The following PIK3CD variants were observed in gnomAD, a reference collection of about 807,000 sequenced individuals.
PIK3CD encodes the protein phosphatidylinositol-4,5-bisphosphate 3-kinase catalytic subunit delta, also known as phosphatidylinositol 4,5-bisphosphate 3-kinase catalytic subunit delta isoform.
In PIK3CD, 20 loss-of-function variants were observed where a neutral mutation model predicts 122.9. That is an observed-to-expected ratio of 0.16 (90% CI 0.11 to 0.24). The LOEUF is 0.24. PIK3CD is among the 10% of genes least tolerant of loss of function. The pLI, the probability that PIK3CD is intolerant of heterozygous loss-of-function variation, is 1.00. For missense variants in PIK3CD, 787 were observed against 1,406.3 expected (o/e 0.56, Z 7.04); for synonymous variants, 596 against 593.4 (o/e 1.00, Z -0.06).
chr1:9,720,727 G>C lies in PIK3CD; in HGVS notation c.1522-15G>C, dbSNP rs760799238. On this transcript the variant is annotated splice_polypyrimidine_tract_variant and intron_variant, in intron 12 of 23. Transcript: ENST00000377346. This position sits in a 1 kb window ranked among gnomAD's most constrained non-coding sequence, Gnocchi z 9.0. ...GCGTGGAACCAGAGCCCTCACTCCT[G>C]CCCACACCCCTCAGCAGCTGCAGCT... is the stretch of plus-strand genomic sequence containing the variant. The C allele has an allele frequency of 4.3e-6, 7 of 1,609,240 alleles. No homozygotes were observed. In the African/African-American group the frequency reaches 9.4e-5, roughly 22 times the overall value.
rs1485672313 is a variant in PIK3CD, at chr1:9,718,976, T to C, written c.1242+61T>C. The stretch of plus-strand genomic sequence containing the variant: ...CCGGAGAGCCAGTACAGCCCCTTGC[T>C]GGGCCACTCACCACTCTCCTCCCGG... On this transcript the variant is annotated intron_variant, in intron 9 of 23. Coordinates refer to ENST00000377346, the MANE Select transcript of PIK3CD (RefSeq NM_005026.5). This position sits in a 1 kb window ranked among gnomAD's most constrained non-coding sequence, Gnocchi z 7.2. 5 of 1,488,360 alleles carry C rather than the reference T, an allele frequency of 3.4e-6. No individual in the cohort carries two copies. The East Asian group carries it at 1.2e-4, about 34-fold the overall frequency. 92.2% of individuals were successfully genotyped at this position (1,488,360 alleles called of 1,614,324 possible). A position where few individuals can be genotyped will look rare whatever the true frequency, so the allele number is the denominator to read the frequency against.
chr1:9,706,281 A>C (rs1403595450), intron 2 of PIK3CD, among the ~76,000 whole-genome samples: 6 of 151,270 alleles, frequency 4.0e-5, no homozygotes, highest in Non-Finnish European at 8.8e-5. Context: ...ACTTGAGCCC[A>C]GGAGTTCGAG....
At chr1:9,713,125 G>GTGAACTGAGATGTGGGCCAT (rs1647123747) in intron 3 of PIK3CD, among the ~76,000 whole-genome samples, 1 of 152,198 alleles carries the variant, frequency 6.6e-6, no homozygotes, top group African/African-American at 2.4e-5. Context: ...GGAGGTTGCA[G>GTGAACTGAGATGTGGGCCAT]TGAACTGAGA....
Position 9,652,214 on chromosome 1 carries a change from G to A in PIK3CD, c.-138+412G>A, listed in dbSNP as rs370216129. ...AGCGCTCAGCGCGTGCGCCCGCTCC[G>A]AGCGCTGACTAGAGGACCAGGGGCC... On this transcript the variant is annotated intron_variant, in intron 1 of 23. Transcript: ENST00000377346. This position sits in a 1 kb window ranked among gnomAD's most constrained non-coding sequence, Gnocchi z 6.2. 1.2e-4 allele frequency among the ~76,000 whole-genome samples: 18 copies of A among 152,282 alleles called. 1 individual carries two copies. The East Asian group carries it at 3.5e-3, about 29-fold the overall frequency.
chr1:9,655,153 G>A (rs1320419766), intron 1 of PIK3CD, among the ~76,000 whole-genome samples: 2 of 152,124 alleles, frequency 1.3e-5, no homozygotes, highest in African/African-American at 2.4e-5. Context: ...TTTCAGCAAA[G>A]CTGTTAGAGA....
At position 9,724,990 on chromosome 1, in the gene PIK3CD, C is replaced by A; in HGVS notation, c.2997+54C>A. ...CCAGTGGACTTCCAAGGCCTGCCCC[C>A]GAGCAATGTGACCTAGGAGGGCCCT... On this transcript the variant is annotated intron_variant, in intron 23 of 23. Transcript: ENST00000377346. This position sits in a 1 kb window ranked among gnomAD's most constrained non-coding sequence, Gnocchi z 7.3. The A allele has an allele frequency of 6.2e-7, 1 of 1,606,288 alleles. No individual in the cohort carries two copies. Among genetic ancestry groups the A allele is most frequent in the Non-Finnish European group, 8.5e-7 (1 of 1,176,894 alleles).
Position 9,720,934 on chromosome 1 carries a change from G to C in PIK3CD, c.1689+25G>C. 1 of 1,558,770 alleles carries C rather than the reference G, an allele frequency of 6.4e-7. No homozygotes were observed. The highest frequency in any genetic ancestry group is 8.7e-7 in the Non-Finnish European group (1 of 1,152,090). ...GGTGGGTGGGGAGGCGCACCTGGGG[G>C]CGGAGCTGGGGGCAGACCACAGCCT... On this transcript the variant is annotated intron_variant, in intron 13 of 23. Transcript: ENST00000377346. This position sits in a 1 kb window ranked among gnomAD's most constrained non-coding sequence, Gnocchi z 9.0.
rs1178258745 is a variant in PIK3CD at position 9,721,119 on chromosome 1, C to T, written c.1690-8C>T. 1.2e-6 allele frequency: 2 copies of T among 1,609,014 alleles called. No individual in the cohort carries two copies. Among genetic ancestry groups the T allele is most frequent in the East Asian group, 4.5e-5 (2 of 44,860 alleles). The stretch of plus-strand genomic sequence containing the variant: ...GCCGCCCCCAAGCCTGACCTCGGCT[C>T]CCCCCAGATGCTCTACCTGCTGTGC... On this transcript the variant is annotated splice_region_variant and splice_polypyrimidine_tract_variant and intron_variant, in intron 13 of 23. Transcript: ENST00000377346.
the PIK3CD span, among the ~76,000 whole-genome samples, chr1:9,639,131 G>T: frequency 2.6e-5 from 4 of 152,058 alleles, no homozygotes; most frequent in African/African-American, 4.8e-5. Context: ...GTGGGAAATG[G>T]TTTCTTCTAA....
intron 5 of PIK3CD, 71 bp downstream of exon 5, chr1:9,716,149 T>A: frequency 7.8e-7 from 1 of 1,286,770 alleles, no homozygotes. Flanking sequence ...GTGAAACTCC[T>A]CAGTCATCCG....
intron 2 of PIK3CD, among the ~76,000 whole-genome samples, chr1:9,699,949 T>C (rs1646565307): frequency 6.6e-6 from 1 of 152,174 alleles, no homozygotes; most frequent in African/African-American, 2.4e-5. Flanking sequence ...GGATTTTTGC[T>C]GGATCCTTCT....
chr1:9,695,288 A>G (rs964098669), intron 2 of PIK3CD, among the ~76,000 whole-genome samples: 1 of 152,050 alleles, frequency 6.6e-6, no homozygotes, highest in Non-Finnish European at 1.5e-5. Flanking sequence ...ACCACATAGG[A>G]GCTCAAGAAA....
In PIK3CD at chr1:9,717,445, C is replaced by T; in HGVS notation, c.931-92C>T. On this transcript the variant is annotated intron_variant, in intron 7 of 23. Transcript: ENST00000377346. This position sits in a 1 kb window ranked among gnomAD's most constrained non-coding sequence, Gnocchi z 5.4. ...TGGCCGCAAACCTGTGACCCTCTCA[C>T]CCGCCCCCAAGTGGTCACGGGCCTC... 7.9e-7 allele frequency: 1 copy of T among 1,264,652 alleles called. No individual in the cohort carries two copies. Among genetic ancestry groups the T allele is most frequent in the African/African-American group, 1.5e-5 (1 of 68,626 alleles). 78.3% of individuals were successfully genotyped at this position (1,264,652 alleles called of 1,614,324 possible). A position where few individuals can be genotyped will look rare whatever the true frequency, so the allele number is the denominator to read the frequency against.
At chr1:9,680,482 A>G (rs1645708559) in intron 1 of PIK3CD, among the ~76,000 whole-genome samples, 1 of 152,150 alleles carries the variant, frequency 6.6e-6, no homozygotes, top group Non-Finnish European at 1.5e-5. Context: ...CATCACTCCA[A>G]AAAGAGATTT....
chr1:9,655,636 G>A (rs978139152), intron 1 of PIK3CD, among the ~76,000 whole-genome samples: 3 of 151,136 alleles, frequency 2.0e-5, no homozygotes, highest in Middle Eastern at 3.2e-3. Flanking sequence ...TACCACCTCG[G>A]ATAAGGGTCA....
the PIK3CD span, among the ~76,000 whole-genome samples, chr1:9,631,597 A>C: frequency 3.3e-4 from 50 of 152,042 alleles, no homozygotes; most frequent in Non-Finnish European, 4.1e-4. Flanking sequence ...CGGTGGTTGC[A>C]GTGAGCTGAG....
the PIK3CD span, among the ~76,000 whole-genome samples, chr1:9,642,514 G>A: frequency 2.0e-5 from 3 of 148,084 alleles, no homozygotes; most frequent in South Asian, 2.2e-4. Context: ...TCAGGAGATC[G>A]AGACCATCCT....
In PIK3CD at chr1:9,720,186, C is replaced by T. The variant is rs866568855; in HGVS notation, c.1414C>T (p.Leu472Phe). 6.2e-7 allele frequency: 1 copy of T among 1,612,190 alleles called. No homozygotes were observed. Among genetic ancestry groups the T allele is most frequent in the Non-Finnish European group, 8.5e-7 (1 of 1,179,272 alleles). Residue 472 changes from leucine to phenylalanine, a missense_variant, in exon 11 of 24, where the codon CTC becomes TTC. Coordinates refer to ENST00000377346, the MANE Select transcript of PIK3CD (RefSeq NM_005026.5). The surrounding 1 kb of genome is among the most constrained non-coding windows in gnomAD (Gnocchi z 9.0). ...CAACACGGATAGCGCCGCTGCCCTGCTCATCTGCCTGCCCGAGGTGGCCCC... is the reference window on the plus strand; with the variant it reads ...CAACACGGATAGCGCCGCTGCCCTGTTCATCTGCCTGCCCGAGGTGGCCCC... The part of the protein sequence containing the change: ...NPNTDSAAAL[L>F]ICLPEVAPHP...
chr1:9,636,767 G>A, the PIK3CD span, among the ~76,000 whole-genome samples: 21,337 of 152,200 alleles, frequency 0.14, 3,453 homozygotes, highest in East Asian at 0.46. Flanking sequence ...CTTCAGGGTT[G>A]TAGAAAGGCC....
Sources: gnomAD v4.1 joint callset for allele counts (sites outside exome capture counted in the v4.1 genomes callset) on GRCh38, gnomAD v4.1.1 for gene constraint, Gnocchi (gnomAD v3.1) non-coding constraint, MANE v1.5 for transcripts, NCBI Gene and HGNC (gene_info 2026-07-23, HGNC 2026-07-21) for gene names.